Variants in AMPD1 observed in about 807,000 individuals in gnomAD.
AMPD1 encodes adenosine monophosphate deaminase 1.
Under a neutral mutation model 82.9 loss-of-function variants are expected in AMPD1, and 74 were observed. The ratio of observed to expected loss-of-function variants is 0.89; its 90% CI spans 0.74 to 1.08. The LOEUF (loss-of-function observed/expected upper bound fraction) is 1.08, where lower values mean the gene tolerates loss of function less well. Among genes scored for constraint, AMPD1 ranks in the 50% least tolerant of loss-of-function variants. The pLI, the probability that AMPD1 is intolerant of heterozygous loss-of-function variation, is 0.00. For synonymous variants in AMPD1, 333 were observed against 320.5 expected (o/e 1.04, Z -0.42); for missense variants, 881 against 924.5 (o/e 0.95, Z 0.61).
intron 3 of AMPD1, 122 bp downstream of exon 3, chr1:114,688,439 T>A (rs941784397): frequency 3.5e-5 from 42 of 1,195,650 alleles, no homozygotes; most frequent in Admixed American, 8.8e-5. Flanking sequence ...TAGGAATTGC[T>A]AACTCTGGCA....
In AMPD1 at chr1:114,674,000, T is replaced by C. The variant is rs1285378589; in HGVS notation, c.1883A>G (p.Glu628Gly). Residue 628 changes from glutamate (E) to glycine (G), a missense_variant, in exon 14 of 16, where the codon GAG (glutamate) becomes GGG (glycine). Physicochemically the swap from Glu to Gly is moderately conservative, Grantham distance 98. Coordinates refer to ENST00000520113, the MANE Select transcript of AMPD1 (RefSeq NM_000036.3). The stretch of plus-strand genomic sequence containing the variant: ...ATCCAAAAAAGGATTTTTGGCATAC[T>C]CTAGAAATAGGCTATTGTTACTTAG... ...SPLSNNSLFL[E>G]YAKNPFLDFL... 1.2e-6 allele frequency: 2 copies of C among 1,614,014 alleles called. No homozygotes were observed. Among genetic ancestry groups the C allele is most frequent in the African/African-American group, 1.3e-5 (1 of 75,048 alleles).
At position 114,675,672 on chromosome 1, in the gene AMPD1, C is replaced by T. The variant is rs765199972; in HGVS notation, c.1537G>A (p.Asp513Asn). Residue 513 changes from aspartate to asparagine, a missense_variant, in exon 12 of 16, where the codon GAT becomes AAT. Transcript: ENST00000520113. ...TGGCCACTGTGTTTGGACTCATCAT[C>T]CACACTGTCAAAGCCAGTGATCTGT... ...LKHITGFDSV[D>N]DESKHSGHMF... 1.2e-6 allele frequency: 2 copies of T among 1,614,186 alleles called. No homozygotes were observed. The highest frequency in any genetic ancestry group is 3.3e-5 in the Admixed American group (2 of 60,020).
At chr1:114,689,447 T>C (rs1658442047) in intron 2 of AMPD1, among the ~76,000 whole-genome samples, 1 of 152,082 alleles carries the variant, frequency 6.6e-6, no homozygotes, top group Non-Finnish European at 1.5e-5. Context: ...ATACCCTAAT[T>C]TTCCCATTCT....
At chr1:114,684,396 G>A (rs1273110227) in intron 4 of AMPD1, 32 bp from the exon 5 acceptor site, 2 of 1,610,188 alleles carry the variant, frequency 1.2e-6, no homozygotes, top group Admixed American at 1.7e-5. Context: ...GCATATCAGA[G>A]TCAATCCCAC....
At chr1:114,681,754 T>A (rs1413480672) in intron 5 of AMPD1, among the ~76,000 whole-genome samples, 1 of 152,170 alleles carries the variant, frequency 6.6e-6, no homozygotes, top group Non-Finnish European at 1.5e-5. Flanking sequence ...TCACCCAAAG[T>A]CCATAGTGCA....
At chr1:114,691,142 G>C (rs775176880) in intron 2 of AMPD1, among the ~76,000 whole-genome samples, 1 of 152,212 alleles carries the variant, frequency 6.6e-6, no homozygotes, top group Non-Finnish European at 1.5e-5. Context: ...CAGCTTACAT[G>C]ATGACCAGAA....
At chr1:114,677,569 T>A (rs1658026199) in intron 9 of AMPD1, 55 bp from the exon 10 acceptor site, 2 of 1,608,124 alleles carry the variant, frequency 1.2e-6, no homozygotes, top group Non-Finnish European at 1.7e-6. Flanking sequence ...TCCTCTGGGG[T>A]TCTAGGGAGA....
chr1:114,688,633 G>A lies in AMPD1; in HGVS notation c.143C>T (p.Pro48Leu), dbSNP rs61752479. ...TGCTTGCATCTCATGATGAGAAATC[G>A]GACAGATCTCATCCACATCAAAGGG... ...ISPFDVDEIC[P>L]ISHHEMQAHI... Residue 48 changes from proline to leucine, a missense_variant, in exon 3 of 16, where the codon CCG becomes CTG. By Grantham distance (98) the Pro-to-Leu change is moderately conservative (BLOSUM62 -3). This residue lies in a region of AMPD1 where 783 missense variants were observed against 786.4 expected (regional missense o/e 1.00). Transcript: ENST00000520113. 0.11 allele frequency: 181,109 copies of A among 1,613,946 alleles called. 11,561 individuals are homozygous for A. The highest frequency in any genetic ancestry group is 0.13 in the Non-Finnish European group (156,047 of 1,179,922).
At position 114,673,729 on chromosome 1, in the gene AMPD1, A is replaced by G. The variant is rs1173184308; in HGVS notation, c.1995T>C (p.Tyr665=). Residue 665 remains tyrosine (Y), a synonymous_variant, in exon 15 of 16, where the codon TAT becomes TAC. Coordinates refer to ENST00000520113, the MANE Select transcript of AMPD1 (RefSeq NM_000036.3). ...GCTTGAAGACTTGTGCAGCAATAGC[A>G]TATTCTTCCATTAGGGGCTCCTGCA... ...HFTKEPLMEE[Y]AIAAQVFKLS... 6.2e-7 allele frequency: 1 copy of G among 1,613,996 alleles called. No individual in the cohort carries two copies. Among genetic ancestry groups the G allele is most frequent in the Non-Finnish European group, 8.5e-7 (1 of 1,179,858 alleles).
intron 7 of AMPD1, 148 bp downstream of exon 7, chr1:114,679,431 G>C (rs1257434006): frequency 1.7e-6 from 2 of 1,175,996 alleles, no homozygotes; most frequent in Non-Finnish European, 2.5e-6. Flanking sequence ...TAACCCATTG[G>C]ACATAATCTA....
intron 5 of AMPD1, among the ~76,000 whole-genome samples, chr1:114,682,055 G>C (rs748846242): frequency 3.9e-5 from 6 of 152,156 alleles, no homozygotes; most frequent in Non-Finnish European, 7.4e-5. Context: ...TTCAGCCTAA[G>C]GAAGCCATGA....
intron 5 of AMPD1, among the ~76,000 whole-genome samples, chr1:114,683,661 C>A (rs567484104): frequency 1.3e-5 from 2 of 152,176 alleles, no homozygotes; most frequent in East Asian, 3.9e-4. Context: ...CGCTTGAACC[C>A]AGGAGGCAGA....
rs1220844388 is a variant in AMPD1, at chr1:114,680,415, A to G, written c.611T>C (p.Leu204Pro). 6.2e-7 allele frequency: 1 copy of G among 1,614,190 alleles called. No homozygotes were observed. The highest frequency in any genetic ancestry group is 1.1e-5 in the South Asian group (1 of 91,074). ...PFRTDNLPEN[L>P]GYHLKMKDGV... ...GTCCTTCATTTTGAGGTGATAGCCC[A>G]GGTTTTCAGGAAGGTTGTCTGTTCG... is the stretch of plus-strand genomic sequence containing the variant. The change falls in exon 6 of 16, where the codon CTG becomes CCG. Residue 204 changes from leucine to proline, a missense_variant. Transcript: ENST00000520113.
chr1:114,687,995 G>A (rs939224877), intron 3 of AMPD1, among the ~76,000 whole-genome samples: 1 of 152,134 alleles, frequency 6.6e-6, no homozygotes, highest in African/African-American at 2.4e-5. Flanking sequence ...GTATCTCGAA[G>A]TCCTCTTGCT....
In AMPD1 at chr1:114,673,187, C is replaced by T. The variant is rs146036570; in HGVS notation, c.2171G>A (p.Arg724His). 14 of 1,614,016 alleles carry T rather than the reference C, an allele frequency of 8.7e-6. No homozygotes were observed. Among genetic ancestry groups the T allele is most frequent in the Admixed American group, 1.7e-5 (1 of 60,016 alleles). The part of the protein sequence containing the change: ...DIRRTNVAQI[R>H]MAYRYETWCY... ...CCAGGTTTCATAGCGATAGGCCATGCGGATTTGGGCTACATTTGTCCTCCG... is the reference window on the plus strand; with the variant it reads ...CCAGGTTTCATAGCGATAGGCCATGTGGATTTGGGCTACATTTGTCCTCCG... The change falls in exon 16 of 16, where the codon CGC becomes CAC. Residue 724 changes from arginine (R) to histidine (H), a missense_variant. Physicochemically the swap from Arg to His is conservative, Grantham distance 29. Transcript: ENST00000520113.
At position 114,688,422 on chromosome 1, in the gene AMPD1, C is replaced by T. The variant is rs1005706199; in HGVS notation, c.215+139G>A. On this transcript the variant is annotated intron_variant, in intron 3 of 15. Transcript: ENST00000520113. ...GGATTACATTTGTGAGCCACTGTGC[C>T]CAGTCTTAGGAATTGCTAACTCTGG... The T allele has an allele frequency of 3.0e-6, 3 of 1,008,412 alleles. No individual in the cohort carries two copies. In the Admixed American group the frequency reaches 5.6e-5, roughly 19 times the overall value. 62.5% of individuals were successfully genotyped at this position (1,008,412 alleles called of 1,614,324 possible).
chr1:114,678,023 G>C lies in AMPD1; in HGVS notation c.1111C>G (p.Arg371Gly). The C allele has an allele frequency of 6.2e-7, 1 of 1,613,902 alleles. No individual in the cohort carries two copies. The highest frequency in any genetic ancestry group is 1.3e-5 in the African/African-American group (1 of 74,958). ...DVHAGRQTFQ[R>G]FDKFNDKYNP... is the part of the protein sequence containing the mutation. ...TATTTGTCATTGAACTTATCAAAAC[G>C]CTGGAAGGTCTGGCGTCCCTGAATC... The change falls in exon 9 of 16, where the codon CGT (arginine) becomes GGT (glycine). Residue 371 changes from arginine (R) to glycine (G), a missense_variant. Physicochemically the swap from Arg to Gly is moderately radical, Grantham distance 125. This residue lies in a region of AMPD1 where 783 missense variants were observed against 786.4 expected (regional missense o/e 1.00). Coordinates refer to ENST00000520113, the MANE Select transcript of AMPD1 (RefSeq NM_000036.3).
intron 2 of AMPD1, among the ~76,000 whole-genome samples, chr1:114,692,295 A>G (rs746357209): frequency 1.3e-5 from 2 of 152,208 alleles, no homozygotes; most frequent in Admixed American, 1.3e-4. Flanking sequence ...TCATCTCCCA[A>G]AGGAATTCAG....
intron 2 of AMPD1, among the ~76,000 whole-genome samples, chr1:114,689,440 C>A (rs1570853575): frequency 6.6e-6 from 1 of 152,108 alleles, no homozygotes; most frequent in Non-Finnish European, 1.5e-5. Context: ...CTTGTACATA[C>A]CCTAATTTTC....
Sources: allele counts gnomAD v4.1 joint callset (sites outside exome capture counted in the v4.1 genomes callset), GRCh38; gene constraint gnomAD v4.1.1; regional missense constraint gnomAD v4.1.1; transcripts MANE v1.5; gene names NCBI Gene and HGNC (gene_info 2026-07-23, HGNC 2026-07-21).